Variants in PRKAG2 observed in about 807,000 individuals in gnomAD.
PRKAG2 encodes the protein protein kinase AMP-activated non-catalytic subunit gamma 2.
In PRKAG2, 26 loss-of-function variants were observed where a neutral mutation model predicts 69.6. The observed-to-expected ratio is 0.37, with a 90% CI of 0.27 to 0.52. The LOEUF is 0.52. PRKAG2 is among the 20% of genes least tolerant of loss of function. PRKAG2 has a pLI of 0.90. For synonymous variants in PRKAG2, 293 were observed against 285.0 expected (o/e 1.03, Z -0.28); for missense variants, 557 against 740.0 (o/e 0.75, Z 2.87).
In PRKAG2 at chr7:151,868,558, C is replaced by T. The variant is rs527901374; in HGVS notation, c.114+7949G>A. Among the ~76,000 whole-genome samples the T allele has an allele frequency of 1.8e-4, 28 of 152,374 alleles. No individual in the cohort carries two copies. The East Asian group carries it at 3.5e-3, about 19-fold the overall frequency. The stretch of plus-strand genomic sequence containing the variant: ...GCCTTTGTTTGTTGCGCATTTTAAA[C>T]GACGTTGACAGAACTGTGGGGTTAT... On this transcript the variant is annotated intron_variant, in intron 1 of 15. Transcript: ENST00000287878.
chr7:151,715,607 C>T (rs1012860706), intron 3 of PRKAG2, among the ~76,000 whole-genome samples: 21 of 152,120 alleles, frequency 1.4e-4, no homozygotes, highest in Admixed American at 2.0e-4. Flanking sequence ...CCACCTGCCT[C>T]GGCCTCCCAA....
rs1336401504 is a variant in PRKAG2 at position 151,814,774 on chromosome 7, G to A, written c.115-28233C>T. ...TCTTGGTGGCTGGAGCTGCTTTGCT[G>A]CTCAAAATGCAGGCAGAGCTCGGGC... On this transcript the variant is annotated intron_variant, in intron 1 of 15. Coordinates refer to ENST00000287878, the MANE Select transcript of PRKAG2 (RefSeq NM_016203.4). The surrounding 1 kb of genome is among the most constrained non-coding windows in gnomAD (Gnocchi z 4.8). 8.1e-7 allele frequency: 1 copy of A among 1,231,810 alleles called. No homozygotes were observed. Among genetic ancestry groups the A allele is most frequent in the Non-Finnish European group, 1.0e-6 (1 of 988,000 alleles). The allele number at this position is 1,231,810 out of a possible 1,614,324, so 76.3% of individuals were successfully genotyped here. A position where few individuals can be genotyped will look rare whatever the true frequency, so the allele number is the denominator to read the frequency against.
At chr7:151,725,478 C>A (rs760567525) in intron 3 of PRKAG2, among the ~76,000 whole-genome samples, 1 of 150,706 alleles carries the variant, frequency 6.6e-6, no homozygotes, top group African/African-American at 2.4e-5. Context: ...CAGCCACGTG[C>A]GTGTACTTAA....
At chr7:151,853,864 G>A (rs2079640663) in intron 1 of PRKAG2, among the ~76,000 whole-genome samples, 1 of 151,864 alleles carries the variant, frequency 6.6e-6, no homozygotes, top group Non-Finnish European at 1.5e-5. Context: ...GGCTGAGAAA[G>A]GATGATTTGG....
chr7:151,669,805 TGC>T (rs1491429644), intron 4 of PRKAG2, among the ~76,000 whole-genome samples: 49 of 71,308 alleles, frequency 6.9e-4, no homozygotes, highest in African/African-American at 3.1e-3. Flanking sequence ...TGCACACACT[TGC>T]ACACACACAC....
intron 3 of PRKAG2, among the ~76,000 whole-genome samples, chr7:151,690,581 C>G (rs1233545541): frequency 6.6e-6 from 1 of 152,204 alleles, no homozygotes; most frequent in Non-Finnish European, 1.5e-5. Flanking sequence ...TTCCCGGATT[C>G]AATTGTACCA....
intron 1 of PRKAG2, among the ~76,000 whole-genome samples, chr7:151,874,208 T>C (rs1354168627): frequency 7.3e-6 from 1 of 136,328 alleles, no homozygotes; most frequent in Non-Finnish European, 1.5e-5. Context: ...GATGTATATG[T>C]ATATGTATAT....
chr7:151,646,843 CACA>C (rs1827651060), intron 4 of PRKAG2, among the ~76,000 whole-genome samples: 1 of 152,212 alleles, frequency 6.6e-6, no homozygotes, highest in South Asian at 2.1e-4. Context: ...AGCTCACGTG[CACA>C]ACCTCAGTAG....
intron 1 of PRKAG2, among the ~76,000 whole-genome samples, chr7:151,834,042 C>T (rs2079095170): frequency 6.6e-6 from 1 of 151,726 alleles, no homozygotes; most frequent in African/African-American, 2.4e-5. Flanking sequence ...TAAATACTCA[C>T]CTTACTGCCA....
chr7:151,843,132 A>G (rs1482654736), intron 1 of PRKAG2, among the ~76,000 whole-genome samples: 1 of 152,086 alleles, frequency 6.6e-6, no homozygotes, highest in Admixed American at 6.5e-5. Context: ...GCATGAATAT[A>G]TGTGTTCCAA....
chr7:151,566,626 AG>A (rs1806324923), intron 11 of PRKAG2: 1 of 443,526 alleles, frequency 2.3e-6, no homozygotes, highest in African/African-American at 2.0e-5. Flanking sequence ...TATAATTATC[AG>A]GAAAAGATGA....
chr7:151,862,017 C>T lies in PRKAG2; in HGVS notation c.114+14490G>A, dbSNP rs530004766. Reference sequence around the variant, plus strand: ...GGTCCATGCCCGTCCCCTCAGTGGACGGATGCTCCCTCCTCCAATGGCACC... The same window carrying T: ...GGTCCATGCCCGTCCCCTCAGTGGATGGATGCTCCCTCCTCCAATGGCACC... On this transcript the variant is annotated intron_variant, in intron 1 of 15. Transcript: ENST00000287878. Among the ~76,000 whole-genome samples the T allele has an allele frequency of 5.8e-4, 88 of 151,838 alleles. No individual in the cohort carries two copies. In the South Asian group the frequency reaches 0.017, roughly 30 times the overall value.
intron 7 of PRKAG2, among the ~76,000 whole-genome samples, chr7:151,575,896 C>CAAAAAAAAAAAAA (rs397769419): frequency 3.1e-5 from 2 of 63,530 alleles, no homozygotes; most frequent in African/African-American, 1.0e-4. Context: ...AATGAGGCGG[C>CAAAAAAAAAAAAA]AAAAAAAAAA....
At chr7:151,720,429 C>A in intron 3 of PRKAG2, among the ~76,000 whole-genome samples, 1 of 151,738 alleles carries the variant, frequency 6.6e-6, no homozygotes, top group Non-Finnish European at 1.5e-5. Context: ...GGTCTATAGG[C>A]AATTAAATCT....
chr7:151,695,765 TC>T (rs1585836288), intron 3 of PRKAG2, among the ~76,000 whole-genome samples: 1 of 152,092 alleles, frequency 6.6e-6, no homozygotes, highest in Admixed American at 6.6e-5. Flanking sequence ...CCGGCTCTCT[TC>T]TTTGTGGTCT....
Position 151,717,881 on chromosome 7 carries a change from C to A in PRKAG2, c.467-42244G>T, listed in dbSNP as rs1586022609. On this transcript the variant is annotated intron_variant, in intron 3 of 15. Transcript: ENST00000287878. ...CTCATGAGAAAGGAGCTGGCCTTGA[C>A]CTTGCTGGGGACCTGCCTCAAATTC... 2.6e-5 allele frequency among the ~76,000 whole-genome samples: 4 copies of A among 152,204 alleles called. 1 individual carries two copies. The highest frequency in any genetic ancestry group is 9.6e-5 in the African/African-American group (4 of 41,456).
intron 3 of PRKAG2, among the ~76,000 whole-genome samples, chr7:151,748,904 C>A (rs375025069): frequency 1.3e-5 from 2 of 149,298 alleles, no homozygotes; most frequent in African/African-American, 5.2e-5. Context: ...ACCCAACCTG[C>A]CCCCAGTGAC....
Position 151,668,954 on chromosome 7 carries a change from C to A in PRKAG2, c.684+6466G>T, listed in dbSNP as rs76525263. 7.5e-4 allele frequency among the ~76,000 whole-genome samples: 114 copies of A among 152,350 alleles called. 1 individual carries two copies. The East Asian group carries it at 0.02, about 27-fold the overall frequency. On this transcript the variant is annotated intron_variant, in intron 4 of 15. Transcript: ENST00000287878. ...GGAAGGAAATTGGAAAAGCGCTGAT[C>A]ATCCTAACACCTTTGCAGTAGAAGT...
At chr7:151,755,353 G>A (rs1333259377) in intron 3 of PRKAG2, among the ~76,000 whole-genome samples, 1 of 152,062 alleles carries the variant, frequency 6.6e-6, no homozygotes, top group Non-Finnish European at 1.5e-5. Flanking sequence ...AGCATCTCAG[G>A]GTGTTTCAGG....
Sources: gnomAD v4.1 joint callset for allele counts (sites outside exome capture counted in the v4.1 genomes callset) on GRCh38, gnomAD v4.1.1 for gene constraint, Gnocchi (gnomAD v3.1) non-coding constraint, MANE v1.5 for transcripts, NCBI Gene and HGNC (gene_info 2026-07-23, HGNC 2026-07-21) for gene names.